Variants in DNAH10 observed in about 807,000 individuals in gnomAD.
DNAH10 encodes the protein axonemal beta dynein heavy chain 10.
A neutral mutation model predicts 506.6 loss-of-function variants in DNAH10; 348 were observed. That is an observed-to-expected ratio of 0.69 (90% CI 0.63 to 0.75). The LOEUF is 0.75. Ranked by LOEUF, DNAH10 falls within the 30% of genes least tolerant of loss-of-function variation. The pLI is 0.00. For synonymous variants in DNAH10, 2,059 were observed against 2,198.6 expected, an observed-to-expected ratio of 0.94 and a Z score of 1.78; for missense variants, 5,179 against 5,787.1, an observed-to-expected ratio of 0.89 and a Z score of 3.41.
At chr12:123,845,421 T>C (rs1460873206) in intron 30 of DNAH10, among the ~76,000 whole-genome samples, 179 bp from the exon 31 acceptor site, 1 of 152,196 alleles carries the variant, frequency 6.6e-6, no homozygotes, top group Non-Finnish European at 1.5e-5. Context: ...AACATCTTAC[T>C]CTCACCTAAG....
Position 123,875,242 on chromosome 12 carries a change from T to C in DNAH10, c.7950T>C (p.Tyr2650=), listed in dbSNP as rs1952206481. The change falls in exon 47 of 79, where the codon TAT becomes TAC. Residue 2650 remains tyrosine, a synonymous_variant. Coordinates refer to ENST00000673944, the MANE Select transcript of DNAH10 (RefSeq NM_001372106.1). ...TAAAAAAAATCAAGGTGGATGAATATGGCACGCAGCAGCCCATTGCCTTGC... is the reference window on the plus strand; with the variant it reads ...TAAAAAAAATCAAGGTGGATGAATACGGCACGCAGCAGCCCATTGCCTTGC... The part of the protein sequence containing the change: ...DDMNMPRVDE[Y]GTQQPIALLK... 1.2e-6 allele frequency: 2 copies of C among 1,610,154 alleles called. No individual in the cohort carries two copies. Among genetic ancestry groups the C allele is most frequent in the Non-Finnish European group, 1.7e-6 (2 of 1,177,922 alleles).
chr12:123,891,176 C>A (rs1336943854), intron 52 of DNAH10, among the ~76,000 whole-genome samples: 2 of 152,168 alleles, frequency 1.3e-5, no homozygotes, highest in Non-Finnish European at 2.9e-5. Context: ...GCACAGAACT[C>A]CAGTCCCTGT....
intron 5 of DNAH10, among the ~76,000 whole-genome samples, chr12:123,780,482 G>T (rs1957605615): frequency 6.6e-6 from 1 of 151,702 alleles, no homozygotes; most frequent in Non-Finnish European, 1.5e-5. Flanking sequence ...GCCACAGTTT[G>T]TAACTTCTCA....
At chr12:123,921,165 A>G (rs1249131747) in intron 65 of DNAH10, among the ~76,000 whole-genome samples, 4 of 152,134 alleles carry the variant, frequency 2.6e-5, no homozygotes, top group African/African-American at 9.7e-5. Context: ...GTAGTGTGTC[A>G]TTGGAGGAAC....
intron 12 of DNAH10, among the ~76,000 whole-genome samples, chr12:123,795,058 G>A (rs1958224546): frequency 6.8e-6 from 1 of 148,006 alleles, no homozygotes; most frequent in South Asian, 2.1e-4. Flanking sequence ...TGAGGCAGGT[G>A]AGTCGCTTGA....
rs35046310 is a variant in DNAH10, at chr12:123,851,197, C to T, written c.6291+121C>T. On this transcript the variant is annotated intron_variant, in intron 35 of 78. Coordinates refer to ENST00000673944, the MANE Select transcript of DNAH10 (RefSeq NM_001372106.1). ...CTTCCAGACGGGACCTAGGATGTGT[C>T]AGCTCCATGTGGCTCTTCCAGATGG... is the stretch of plus-strand genomic sequence containing the variant. The T allele has an allele frequency of 5.7e-4, 606 of 1,063,532 alleles. 19 individuals carry two copies. In the African/African-American group the frequency reaches 9.3e-3, roughly 16 times the overall value. The allele number at this position is 1,063,532 out of a possible 1,614,324, so 65.9% of individuals were successfully genotyped here. A position where few individuals can be genotyped will look rare whatever the true frequency, so the allele number is the denominator to read the frequency against.
chr12:123,897,760 T>G lies in DNAH10; in HGVS notation c.9281-10T>G. The G allele has an allele frequency of 6.3e-7, 1 of 1,589,426 alleles. No individual in the cohort carries two copies. Among genetic ancestry groups the G allele is most frequent in the Non-Finnish European group, 8.5e-7 (1 of 1,173,842 alleles). ...AAGAAAGAAAACATTTTTTATTCCT[T>G]CCTCTTCAGGGTATAATCCAATGAT... On this transcript the variant is annotated splice_polypyrimidine_tract_variant and intron_variant, in intron 54 of 78. Coordinates refer to ENST00000673944, the MANE Select transcript of DNAH10 (RefSeq NM_001372106.1).
intron 5 of DNAH10, among the ~76,000 whole-genome samples, chr12:123,779,155 G>A (rs367618923): frequency 7.6e-4 from 115 of 152,024 alleles, no homozygotes; most frequent in African/African-American, 2.6e-3. Flanking sequence ...CACCCGCCTC[G>A]GCTTCCCAAA....
intron 11 of DNAH10, among the ~76,000 whole-genome samples, chr12:123,792,451 CTTTTTTTTTTTTTTT>C (rs78654407): frequency 7.5e-6 from 1 of 133,466 alleles, no homozygotes; most frequent in Non-Finnish European, 1.6e-5. Flanking sequence ...TTCCTTTGTC[CTTTTTTTTTTTTTTT>C]TTTTTTTTTT....
chr12:123,819,631 A>G (rs1254892077), intron 23 of DNAH10, among the ~76,000 whole-genome samples: 1 of 151,810 alleles, frequency 6.6e-6, no homozygotes, highest in Non-Finnish European at 1.5e-5. Flanking sequence ...CTTTGGATTC[A>G]GATGCTTGTC....
At chr12:123,871,334 A>T in intron 44 of DNAH10, 123 bp from the exon 45 acceptor site, 1 of 1,125,288 alleles carries the variant, frequency 8.9e-7, no homozygotes, top group East Asian at 2.6e-5. Context: ...TTCTGAGGTC[A>T]TGTCTTGGCC....
intron 24 of DNAH10, among the ~76,000 whole-genome samples, chr12:123,826,021 G>A (rs1959946116): frequency 6.6e-6 from 1 of 152,076 alleles, no homozygotes; most frequent in African/African-American, 2.4e-5. Context: ...CTACTCAGGA[G>A]GCTGAGATGG....
chr12:123,913,268 G>C lies in DNAH10; in HGVS notation c.10305G>C (p.Leu3435=), dbSNP rs1187971611. ...QEEAEIMERR[L]IAADKLISGL... is the part of the protein sequence containing the mutation. ...AAGCCGAGATCATGGAGAGGCGGCT[G>C]ATTGCCGCAGACAAACTCATCTCGG... The change falls in exon 60 of 79, where the codon CTG becomes CTC. Residue 3435 remains leucine (L), a synonymous_variant. Coordinates refer to ENST00000673944, the MANE Select transcript of DNAH10 (RefSeq NM_001372106.1). The surrounding 1 kb of genome is among the most constrained non-coding windows in gnomAD (Gnocchi z 5.1). 5.0e-6 allele frequency: 8 copies of C among 1,606,606 alleles called. No individual in the cohort carries two copies. The highest frequency in any genetic ancestry group is 6.8e-6 in the Non-Finnish European group (8 of 1,176,986).
intron 43 of DNAH10, among the ~76,000 whole-genome samples, chr12:123,869,464 C>T (rs1366931948): frequency 6.6e-6 from 1 of 152,166 alleles, no homozygotes; most frequent in Admixed American, 6.5e-5. Context: ...AAATCCCAGT[C>T]CCCAGCTGGC....
intron 11 of DNAH10, among the ~76,000 whole-genome samples, chr12:123,792,798 A>G (rs1456829193): frequency 6.6e-6 from 1 of 152,118 alleles, no homozygotes; most frequent in Non-Finnish European, 1.5e-5. Flanking sequence ...AAAGCAGTCT[A>G]GGACCCTAGG....
At chr12:123,852,122 C>G (rs896382860) in intron 35 of DNAH10, among the ~76,000 whole-genome samples, 1 of 152,114 alleles carries the variant, frequency 6.6e-6, no homozygotes, top group African/African-American at 2.4e-5. Flanking sequence ...CTCCTGCAAC[C>G]CCTGATCTAT....
chr12:123,836,342 C>T (rs1961125350), intron 28 of DNAH10, among the ~76,000 whole-genome samples: 1 of 152,162 alleles, frequency 6.6e-6, no homozygotes. Flanking sequence ...TGATTACTCT[C>T]CAGTAATTTG....
intron 62 of DNAH10, among the ~76,000 whole-genome samples, chr12:123,915,444 C>G (rs527420139): frequency 9.2e-5 from 14 of 152,208 alleles, no homozygotes; most frequent in African/African-American, 3.1e-4. Flanking sequence ...AGTTGTATAC[C>G]AATCACCAGA....
intron 27 of DNAH10, among the ~76,000 whole-genome samples, chr12:123,833,643 T>C (rs994484803): frequency 2.6e-5 from 4 of 152,230 alleles, no homozygotes; most frequent in African/African-American, 4.8e-5. Context: ...CAAGGATGCT[T>C]TTGCCTCCTT....
Sources: gnomAD v4.1 joint callset for allele counts (sites outside exome capture counted in the v4.1 genomes callset) on GRCh38, gnomAD v4.1.1 for gene constraint, Gnocchi (gnomAD v3.1) non-coding constraint, MANE v1.5 for transcripts, NCBI Gene and HGNC (gene_info 2026-07-23, HGNC 2026-07-21) for gene names.